CRIP3: variants seen among roughly 807,000 people sequenced by gnomAD.
CRIP3 encodes the protein cysteine rich protein 3.
Under a neutral mutation model 30.3 loss-of-function variants are expected in CRIP3, and 23 were observed. The ratio of observed to expected loss-of-function variants is 0.76; its 90% CI spans 0.55 to 1.08. CRIP3 has a LOEUF of 1.08. Ranked by LOEUF, CRIP3 falls within the 50% of genes least tolerant of loss-of-function variation. The pLI is 0.00. For synonymous variants in CRIP3, 89 were observed against 97.6 expected (o/e 0.91, Z 0.52); for missense variants, 261 against 259.3 (o/e 1.01, Z -0.04).
rs148395811 is a variant in CRIP3, at chr6:43,307,600, G to A, written c.328+12C>T. On this transcript the variant is annotated intron_variant, in intron 4 of 7. Coordinates refer to ENST00000372569, the MANE Select transcript of CRIP3 (RefSeq NM_206922.3). ...CGGGAGGAGGACTGGGAGGAGCTGA[G>A]CCCAGCCTTACTTTTCTTGCCTTGG... is the stretch of plus-strand genomic sequence containing the variant. The A allele has an allele frequency of 1.8e-3, 2,631 of 1,459,062 alleles. 28 individuals are homozygous for A. In the African/African-American group the frequency reaches 0.026, roughly 14 times the overall value. 90.4% of individuals were successfully genotyped at this position (1,459,062 alleles called of 1,614,324 possible).
chr6:43,305,747 A>G lies in CRIP3; in HGVS notation c.*67T>C. The stretch of plus-strand genomic sequence containing the variant: ...CCCCCATGGGACTGGAGATTTTTGT[A>G]GCTTCCATTGGACCATGAGGGGCAT... On this transcript the variant is annotated 3_prime_UTR_variant, in exon 8 of 8. Coordinates refer to ENST00000372569, the MANE Select transcript of CRIP3 (RefSeq NM_206922.3). 1.3e-6 allele frequency: 2 copies of G among 1,595,212 alleles called. No homozygotes were observed. Among genetic ancestry groups the G allele is most frequent in the Admixed American group, 3.3e-5 (2 of 59,898 alleles).
In CRIP3 at chr6:43,305,489, T is replaced by C. The variant is rs907563981; in HGVS notation, c.*325A>G. On this transcript the variant is annotated 3_prime_UTR_variant, in exon 8 of 8. Transcript: ENST00000372569. ...TGAAGGCATGGGAGCCAACATTTTA[T>C]TGAAGAAGCCACAGAGGCTGAAATT... The C allele has an allele frequency of 7.8e-6, 3 of 385,796 alleles. No individual in the cohort carries two copies. Among genetic ancestry groups the C allele is most frequent in the South Asian group, 2.7e-5 (1 of 37,714 alleles). 23.9% of individuals were successfully genotyped at this position (385,796 alleles called of 1,614,324 possible). A position where few individuals can be genotyped will look rare whatever the true frequency, so the allele number is the denominator to read the frequency against.
chr6:43,306,635 C>G, intron 4 of CRIP3, 118 bp from the exon 5 acceptor site: 1 of 842,864 alleles, frequency 1.2e-6, no homozygotes, highest in East Asian at 2.7e-5. Flanking sequence ...CCCACCCAGG[C>G]GCCCAAGAGT....
chr6:43,307,756 T>G lies in CRIP3; in HGVS notation c.197-13A>C, dbSNP rs761173880. The G allele has an allele frequency of 1.2e-6, 2 of 1,603,922 alleles. No individual in the cohort carries two copies. The highest frequency in any genetic ancestry group is 1.7e-6 in the Non-Finnish European group (2 of 1,172,986). On this transcript the variant is annotated splice_polypyrimidine_tract_variant and intron_variant, in intron 3 of 7. Transcript: ENST00000372569. ...CCAATGTTCACCCCTGAAGAGAGAA[T>G]AGGGGAGGTCAGGCTTGAGCCCCCA...
In CRIP3 at chr6:43,307,704, G is replaced by C; in HGVS notation, c.236C>G (p.Pro79Arg). Residue 79 changes from proline (P) to arginine (R), a missense_variant, in exon 4 of 8, where the codon CCC (proline) becomes CGC (arginine). By Grantham distance (103) the Pro-to-Arg change is moderately radical. Coordinates refer to ENST00000372569, the MANE Select transcript of CRIP3 (RefSeq NM_206922.3). ...IGGVGSYLYN[P>R]PTPSPGCTTP... ...GGTGCAGCCAGGGCTGGGAGTGGGGGGATTGTACAAGTAGGAGCCTACACC... is the reference window on the plus strand; with the variant it reads ...GGTGCAGCCAGGGCTGGGAGTGGGGCGATTGTACAAGTAGGAGCCTACACC... 1 of 1,556,086 alleles carries C rather than the reference G, an allele frequency of 6.4e-7. No individual in the cohort carries two copies. Among genetic ancestry groups the C allele is most frequent in the East Asian group, 2.3e-5 (1 of 42,900 alleles).
chr6:43,306,468 G>A lies in CRIP3; in HGVS notation c.378C>T (p.Gly126=). Residue 126 remains glycine (G), a synonymous_variant, in exon 5 of 8, where the codon GGC becomes GGT. Coordinates refer to ENST00000372569, the MANE Select transcript of CRIP3 (RefSeq NM_206922.3). The part of the protein sequence containing the change: ...TFTGETSLCP[G]CGEPVYFAEK... The stretch of plus-strand genomic sequence containing the variant: ...TACCAAAATAGACGGGCTCCCCACA[G>A]CCAGGGCACAGCGAGGTCTCCCCAG... The A allele has an allele frequency of 5.0e-6, 8 of 1,611,414 alleles. No individual in the cohort carries two copies. Among genetic ancestry groups the A allele is most frequent in the Non-Finnish European group, 6.8e-6 (8 of 1,178,904 alleles).
chr6:43,307,098 G>C (rs1275280817), intron 4 of CRIP3: 5 of 152,842 alleles, frequency 3.3e-5, no homozygotes, highest in African/African-American at 1.2e-4. Context: ...TAACACACGA[G>C]GAGAGGGGAT....
At chr6:43,308,085 C>G (rs1778984735) in intron 2 of CRIP3, among the ~76,000 whole-genome samples, 189 bp from the exon 3 acceptor site, 1 of 152,066 alleles carries the variant, frequency 6.6e-6, no homozygotes, top group Non-Finnish European at 1.5e-5. Flanking sequence ...AAGAGCAGCT[C>G]AGAAGGTGAC....
At chr6:43,308,658 G>C (rs1324087461) in intron 1 of CRIP3, 92 bp downstream of exon 1, 22 of 1,497,670 alleles carry the variant, frequency 1.5e-5, no homozygotes, top group Non-Finnish European at 2.0e-5. Flanking sequence ...AAGGGTGTCT[G>C]GGACTACACT....
At chr6:43,308,030 G>T in intron 2 of CRIP3, 134 bp from the exon 3 acceptor site, 1 of 944,208 alleles carries the variant, frequency 1.1e-6, no homozygotes. Flanking sequence ...GGTGGGGGAT[G>T]GGCTGGCATG....
At chr6:43,305,987 C>T in intron 7 of CRIP3, 80 bp downstream of exon 7, 2 of 1,605,990 alleles carry the variant, frequency 1.2e-6, no homozygotes, top group Non-Finnish European at 1.7e-6. Context: ...GGAAGTTGTC[C>T]ACACATACCC....
At position 43,305,595 on chromosome 6, in the gene CRIP3, C is replaced by T. The variant is rs1438873491; in HGVS notation, c.*219G>A. The T allele has an allele frequency of 1.3e-5, 8 of 609,744 alleles. No individual in the cohort carries two copies. 37.8% of individuals were successfully genotyped at this position (609,744 alleles called of 1,614,324 possible). Reference sequence around the variant, plus strand: ...GGTTGTGATGGCCAGGAGGAGGATACCCTTCAAAACGGGCTGTTCCCTAAC... The same window carrying T: ...GGTTGTGATGGCCAGGAGGAGGATATCCTTCAAAACGGGCTGTTCCCTAAC... On this transcript the variant is annotated 3_prime_UTR_variant, in exon 8 of 8. Coordinates refer to ENST00000372569, the MANE Select transcript of CRIP3 (RefSeq NM_206922.3).
rs139900580 is a variant in CRIP3, at chr6:43,308,405, C to T, written c.48G>A (p.Glu16=). ...PRCQQPVFFA[E]KVSSLGKNWH... ...AGTTCTTGCCCAGGGAGCTCACCTT[C>T]TCAGCTGTGGAGGACAAAGTGGAAC... The change falls in exon 2 of 8, where the codon GAG becomes GAA. Residue 16 remains glutamate, a synonymous_variant. Coordinates refer to ENST00000372569, the MANE Select transcript of CRIP3 (RefSeq NM_206922.3). 1.9e-4 allele frequency: 307 copies of T among 1,612,842 alleles called. No individual in the cohort carries two copies. Among genetic ancestry groups the T allele is most frequent in the Non-Finnish European group, 2.5e-4 (297 of 1,179,582 alleles).
intron 1 of CRIP3, 163 bp from the exon 2 acceptor site, chr6:43,308,572 C>T: frequency 1.1e-6 from 1 of 930,618 alleles, no homozygotes; most frequent in Non-Finnish European, 1.6e-6. Context: ...TCACACTCCC[C>T]ACAGAGCTCT....
In CRIP3 at chr6:43,308,035, G is replaced by A. The variant is rs1415036964; in HGVS notation, c.139-139C>T. On this transcript the variant is annotated intron_variant, in intron 2 of 7. Coordinates refer to ENST00000372569, the MANE Select transcript of CRIP3 (RefSeq NM_206922.3). ...GCCTGGGAGGGGTGGGGGATGGGCTGGCATGCCAGCATTTCCACTGTGGTC... is the reference window on the plus strand; with the variant it reads ...GCCTGGGAGGGGTGGGGGATGGGCTAGCATGCCAGCATTTCCACTGTGGTC... The A allele has an allele frequency of 5.5e-6, 5 of 915,378 alleles. No homozygotes were observed. The African/African-American group carries it at 8.2e-5, about 15-fold the overall frequency. 56.7% of individuals were successfully genotyped at this position (915,378 alleles called of 1,614,324 possible).
At chr6:43,308,588 G>A in intron 1 of CRIP3, 162 bp downstream of exon 1, 2 of 968,226 alleles carry the variant, frequency 2.1e-6, no homozygotes, top group South Asian at 1.5e-5. Flanking sequence ...GCTCTCAGAG[G>A]AAGGGAGAAG....
In CRIP3 at chr6:43,308,199, G is replaced by C. The variant is rs1778986461; in HGVS notation, c.138+116C>G. On this transcript the variant is annotated intron_variant, in intron 2 of 7. Coordinates refer to ENST00000372569, the MANE Select transcript of CRIP3 (RefSeq NM_206922.3). ...TGGGGTCCACCAGGTGGGCGGCCTT[G>C]GGGTTGGCTACTGAGGTTCCCTTTG... The C allele has an allele frequency of 3.2e-6, 3 of 942,212 alleles. No homozygotes were observed. The Admixed American group carries it at 7.3e-5, about 23-fold the overall frequency. 58.4% of individuals were successfully genotyped at this position (942,212 alleles called of 1,614,324 possible). A position where few individuals can be genotyped will look rare whatever the true frequency, so the allele number is the denominator to read the frequency against.
Position 43,306,487 on chromosome 6 carries a change from TC to T in CRIP3, c.358del (p.Glu120ArgfsTer18), listed in dbSNP as rs1019117990. 4.3e-6 allele frequency: 7 copies of T among 1,611,698 alleles called. No homozygotes were observed. The African/African-American group carries it at 8.0e-5, about 18-fold the overall frequency. On this transcript the variant is annotated frameshift_variant, in exon 5 of 8. Transcript: ENST00000372569. LOFTEE classifies it high-confidence loss of function. ...SPPHMKTFTG[E>X]TSLCPGCGEP... ...CCCACAGCCAGGGCACAGCGAGGTC[TC>T]CCCAGTGAATGTCTTCATATGGGGA...
chr6:43,308,198 TG>T, intron 2 of CRIP3, 116 bp downstream of exon 2: 1 of 928,598 alleles, frequency 1.1e-6, no homozygotes, highest in Non-Finnish European at 1.6e-6. Context: ...TGGGCGGCCT[TG>T]GGGTTGGCTA....
Sources: gnomAD v4.1 joint callset for allele counts (sites outside exome capture counted in the v4.1 genomes callset) on GRCh38, gnomAD v4.1.1 for gene constraint, MANE v1.5 for transcripts, NCBI Gene and HGNC (gene_info 2026-07-23, HGNC 2026-07-21) for gene names.